The following MAST3 variants were observed in gnomAD, a reference collection of about 807,000 sequenced individuals.
The protein encoded by MAST3 is microtubule associated serine/threonine kinase 3.
Under a neutral mutation model 127.0 loss-of-function variants are expected in MAST3, and 43 were observed. The observed-to-expected ratio is 0.34, with a 90% CI of 0.27 to 0.44. The LOEUF (loss-of-function observed/expected upper bound fraction) is 0.44. Ranked by LOEUF, MAST3 falls within the 20% of genes least tolerant of loss-of-function variation. The pLI is 1.00. For synonymous variants in MAST3, 785 were observed against 809.2 expected (o/e 0.97, Z 0.51); for missense variants, 1,390 against 1,919.1 (o/e 0.72, Z 5.15).
At chr19:18,132,129 A>G in intron 15 of MAST3, 82 bp downstream of exon 15, 1 of 1,557,140 alleles carries the variant, frequency 6.4e-7, no homozygotes, top group South Asian at 1.2e-5. Flanking sequence ...GGATCAGGGC[A>G]GAGCCTCTGA....
rs2041370435 is a variant in MAST3 at position 18,132,113 on chromosome 19, C to A, written c.1571+66C>A. On this transcript the variant is annotated intron_variant, in intron 15 of 27. Transcript: ENST00000687212. ...GGCCAGAGAGGATCAGGGGCGGGGC[C>A]AAAGAGGATCAGGGCAGAGCCTCTG... is the stretch of plus-strand genomic sequence containing the variant. 2.5e-6 allele frequency: 4 copies of A among 1,588,468 alleles called. No individual in the cohort carries two copies. In the African/African-American group the frequency reaches 4.0e-5, roughly 16 times the overall value.
intron 1 of MAST3, among the ~76,000 whole-genome samples, chr19:18,100,128 C>CTCTCTCTCTTTTTTTTTTTTTTTTT (rs776661078): frequency 5.8e-5 from 7 of 121,718 alleles, no homozygotes; most frequent in African/African-American, 2.0e-4. Context: ...CTCTCTCTCT[C>CTCTCTCTCTTTTTTTTTTTTTTTTT]TTTTTTTTTT....
In MAST3 at chr19:18,110,475, G is replaced by T; in HGVS notation, c.72-177G>T. On this transcript the variant is annotated intron_variant, in intron 2 of 27. Coordinates refer to ENST00000687212, the MANE Select transcript of MAST3 (RefSeq NM_001393504.1). This position sits in a 1 kb window ranked among gnomAD's most constrained non-coding sequence, Gnocchi z 4.3. ...CGCCCAGAAACGCACCGCCGCCTCC[G>T]GGGAGCCCTCCCGGGCCATCGGTCT... 1 of 952,002 alleles carries T rather than the reference G, an allele frequency of 1.1e-6. No homozygotes were observed. Among genetic ancestry groups the T allele is most frequent in the Non-Finnish European group, 1.3e-6 (1 of 799,098 alleles). 59.0% of individuals were successfully genotyped at this position (952,002 alleles called of 1,614,324 possible).
chr19:18,100,128 C>CTT (rs58879254), intron 1 of MAST3, among the ~76,000 whole-genome samples: 312 of 121,714 alleles, frequency 2.6e-3, no homozygotes, highest in African/African-American at 5.5e-3. Context: ...CTCTCTCTCT[C>CTT]TTTTTTTTTT....
intron 3 of MAST3, among the ~76,000 whole-genome samples, chr19:18,120,717 G>C (rs1466284514): frequency 6.9e-6 from 1 of 144,538 alleles, no homozygotes; most frequent in Non-Finnish European, 1.5e-5. Context: ...TGGTTTTTTT[G>C]TTTTGTTTTG....
At chr19:18,147,377 A>G (rs2147868050) in intron 26 of MAST3, 66 bp from the exon 27 acceptor site, 1 of 1,434,952 alleles carries the variant, frequency 7.0e-7, no homozygotes, top group South Asian at 1.2e-5. Flanking sequence ...TGCTGGGATT[A>G]CAGGTGTGAG....
chr19:18,136,634 C>T (rs1160162428), intron 18 of MAST3, among the ~76,000 whole-genome samples: 1 of 152,018 alleles, frequency 6.6e-6, no homozygotes, highest in Non-Finnish European at 1.5e-5. Flanking sequence ...ACCATGTTGC[C>T]CAGGCTGGTC....
intron 1 of MAST3, 151 bp from the exon 2 acceptor site, chr19:18,107,436 G>A: frequency 1.2e-6 from 1 of 808,350 alleles, no homozygotes; most frequent in Non-Finnish European, 2.1e-6. Context: ...TAGCGCAAAG[G>A]CCTTGAGGCA....
rs3048876 is a variant in MAST3, at chr19:18,116,090, C to CTTTTTTTTTTTTTTTTTTTTTTTTTTT, written c.161+5370_161+5371insTTTTTTTTTTTTTTTTTTTTTTTTTTT. ...TCTCAGCCTTGGTATTTGAAATTAT[C>CTTTTTTTTTTTTTTTTTTTTTTTTTTT]TTTTTTTTTTTTTTTTTTTTTGAGA... On this transcript the variant is annotated intron_variant, in intron 3 of 27. Transcript: ENST00000687212. 2.8e-4 allele frequency among the ~76,000 whole-genome samples: 24 copies of CTTTTTTTTTTTTTTTTTTTTTTTTTTT among 86,350 alleles called. 6 individuals carry two copies. The highest frequency in any genetic ancestry group is 1.3e-3 in the African/African-American group (24 of 18,378). The allele number at this position is 86,350 out of a possible 152,430, so 56.6% of individuals were successfully genotyped here.
At chr19:18,118,184 T>C in intron 3 of MAST3, 4 of 985,402 alleles carry the variant, frequency 4.1e-6, no homozygotes, top group Non-Finnish European at 4.8e-6. Context: ...CCCCAGCTAC[T>C]GGACGGCGGT....
rs1338157760 is a variant in MAST3, at chr19:18,108,570, G to C, written c.71+952G>C. Among the ~76,000 whole-genome samples the C allele has an allele frequency of 2.0e-5, 3 of 152,082 alleles. No individual in the cohort carries two copies. In the South Asian group the frequency reaches 6.2e-4, roughly 32 times the overall value. ...TTTAGTAGAGACAGGGTCTCACTATGTTGCCCAGGCTGGTCTCAAACTCCT... is the reference window on the plus strand; with the variant it reads ...TTTAGTAGAGACAGGGTCTCACTATCTTGCCCAGGCTGGTCTCAAACTCCT... On this transcript the variant is annotated intron_variant, in intron 2 of 27. Coordinates refer to ENST00000687212, the MANE Select transcript of MAST3 (RefSeq NM_001393504.1).
chr19:18,139,475 C>T (rs1214120246), intron 20 of MAST3, among the ~76,000 whole-genome samples: 1 of 152,002 alleles, frequency 6.6e-6, no homozygotes. Flanking sequence ...CAGGCGCATG[C>T]CGTCACGCCC....
At position 18,145,122 on chromosome 19, in the gene MAST3, C is replaced by T. The variant is rs2147816968; in HGVS notation, c.2932C>T (p.Pro978Ser). 1 of 1,613,790 alleles carries T rather than the reference C, an allele frequency of 6.2e-7. No homozygotes were observed. The highest frequency in any genetic ancestry group is 8.5e-7 in the Non-Finnish European group (1 of 1,179,864). ...GTCCCCCGTGTGTGGCAGCCTGCGGCCCCCCATCGTTATCCACAGCTCTGG... is the reference window on the plus strand; with the variant it reads ...GTCCCCCGTGTGTGGCAGCCTGCGGTCCCCCATCGTTATCCACAGCTCTGG... ...DPSPVCGSLRPPIVIHSSGKK... is the reference protein window; with the variant it reads ...DPSPVCGSLRSPIVIHSSGKK... Residue 978 changes from proline to serine, a missense_variant, in exon 24 of 28, where the codon CCC (proline) becomes TCC (serine). Pro to Ser is a moderately conservative substitution (Grantham distance 74). Transcript: ENST00000687212. The surrounding 1 kb of genome is among the most constrained non-coding windows in gnomAD (Gnocchi z 5.9).
In MAST3 at chr19:18,126,934, C is replaced by T. The variant is rs1020591257; in HGVS notation, c.1079-1466C>T. 4.6e-5 allele frequency among the ~76,000 whole-genome samples: 7 copies of T among 151,990 alleles called. 1 individual carries two copies. Among genetic ancestry groups the T allele is most frequent in the African/African-American group, 1.7e-4 (7 of 41,526 alleles). ...TAGCTGGGACTACAGGCGCCCGCCA[C>T]CACGCCCGGCTAATTTTTTGTATTT... is the stretch of plus-strand genomic sequence containing the variant. On this transcript the variant is annotated intron_variant, in intron 11 of 27. Coordinates refer to ENST00000687212, the MANE Select transcript of MAST3 (RefSeq NM_001393504.1).
In MAST3 at chr19:18,098,449, T is replaced by C. The variant is rs893512922; in HGVS notation, c.39+618T>C. On this transcript the variant is annotated intron_variant, in intron 1 of 27. Coordinates refer to ENST00000687212, the MANE Select transcript of MAST3 (RefSeq NM_001393504.1). ...GTGTGACCTGGGGGGAGGGCACCCT[T>C]GCTTCTCTGGGCCTCAGTTTTCCAA... Among the ~76,000 whole-genome samples, 3 of 152,258 alleles carry C rather than the reference T, an allele frequency of 2.0e-5. No homozygotes were observed. In the East Asian group the frequency reaches 5.8e-4, roughly 29 times the overall value.
intron 15 of MAST3, among the ~76,000 whole-genome samples, chr19:18,133,622 C>T (rs1362003281): frequency 1.5e-5 from 2 of 134,360 alleles, no homozygotes; most frequent in African/African-American, 2.9e-5. Context: ...GGTGCGATCT[C>T]GGCTCACTGC....
chr19:18,144,143 C>T lies in MAST3; in HGVS notation c.2584+136C>T. On this transcript the variant is annotated intron_variant, in intron 22 of 27. Transcript: ENST00000687212. The surrounding 1 kb of genome is among the most constrained non-coding windows in gnomAD (Gnocchi z 4.0). ...CTTTAAGAGAGGAGAAGCCAGGGTC[C>T]CAGAGAGACCCCCAGCCCCCAAGGA... The T allele has an allele frequency of 8.0e-7, 1 of 1,256,444 alleles. No individual in the cohort carries two copies. Among genetic ancestry groups the T allele is most frequent in the Non-Finnish European group, 1.1e-6 (1 of 932,586 alleles). 77.8% of individuals were successfully genotyped at this position (1,256,444 alleles called of 1,614,324 possible). A position where few individuals can be genotyped will look rare whatever the true frequency, so the allele number is the denominator to read the frequency against.
In MAST3 at chr19:18,149,234, C is replaced by T. The variant is rs968712463; in HGVS notation, c.3552C>T (p.Ser1184=). 3.9e-6 allele frequency: 6 copies of T among 1,556,782 alleles called. No homozygotes were observed. Among genetic ancestry groups the T allele is most frequent in the Non-Finnish European group, 5.2e-6 (6 of 1,155,224 alleles). Residue 1184 remains serine (S), a synonymous_variant, in exon 28 of 28, where the codon AGC becomes AGT. Transcript: ENST00000687212. The surrounding 1 kb of genome is among the most constrained non-coding windows in gnomAD (Gnocchi z 5.9). ...CCAGCGCATCCCCGAGCTCCAGCAG[C>T]CCCGCCTCCCCAGCTGCTGCTGGCC... ...SPPSASPSSS[S]PASPAAAGHT...
rs369377734 is a variant in MAST3, at chr19:18,132,064, T to C, written c.1571+17T>C. 3.7e-6 allele frequency: 6 copies of C among 1,613,378 alleles called. No homozygotes were observed. The highest frequency in any genetic ancestry group is 2.2e-5 in the East Asian group (1 of 44,870). On this transcript the variant is annotated intron_variant, in intron 15 of 27. Transcript: ENST00000687212. ...ACCAGACAAGTGAGCTGAGCTAGCA[T>C]GAGCGGGGCCTCGCGGAGGGCGGGG...
Sources: gnomAD v4.1 joint callset for allele counts (sites outside exome capture counted in the v4.1 genomes callset) on GRCh38, gnomAD v4.1.1 for gene constraint, Gnocchi (gnomAD v3.1) non-coding constraint, MANE v1.5 for transcripts, NCBI Gene and HGNC (gene_info 2026-07-23, HGNC 2026-07-21) for gene names.